The following NUP98 variants were observed in gnomAD, a reference collection of about 807,000 sequenced individuals.
NUP98 encodes the protein nuclear pore complex protein Nup98-Nup96.
A neutral mutation model predicts 191.9 loss-of-function variants in NUP98; 26 were observed. The ratio of observed to expected loss-of-function variants is 0.14; its 90% CI spans 0.10 to 0.19. The LOEUF (loss-of-function observed/expected upper bound fraction) is 0.19. Among genes scored for constraint, NUP98 ranks in the 10% least tolerant of loss-of-function variants. The pLI is 1.00. For synonymous variants in NUP98, 808 were observed against 778.4 expected (o/e 1.04, Z -0.63); for missense variants, 1,941 against 2,178.8 (o/e 0.89, Z 2.17).
intron 14 of NUP98, among the ~76,000 whole-genome samples, chr11:3,728,834 T>G (rs1448090686): frequency 6.6e-6 from 1 of 152,186 alleles, no homozygotes; most frequent in Non-Finnish European, 1.5e-5. Context: ...ACTAGGGTAA[T>G]AGCAATGAAT....
intron 14 of NUP98, among the ~76,000 whole-genome samples, chr11:3,730,348 A>G (rs555216605): frequency 2.0e-5 from 3 of 152,186 alleles, no homozygotes; most frequent in African/African-American, 7.2e-5. Flanking sequence ...TCTTTGGTGA[A>G]GCAGTTACAT....
At position 3,717,425 on chromosome 11, in the gene NUP98, A is replaced by G. The variant is rs1416896803; in HGVS notation, c.2399+1987T>C. 1.3e-5 allele frequency among the ~76,000 whole-genome samples: 2 copies of G among 150,192 alleles called. 1 individual carries two copies. Among genetic ancestry groups the G allele is most frequent in the Non-Finnish European group, 2.9e-5 (2 of 67,996 alleles). ...GTCATTTACCTCCCTGGTTAAGTTT[A>G]TTTGTGTATATTTTATTCTTTTTGA... On this transcript the variant is annotated intron_variant, in intron 18 of 32. Coordinates refer to ENST00000324932, the MANE Select transcript of NUP98 (RefSeq NM_016320.5).
intron 21 of NUP98, 28 bp from the exon 22 acceptor site, chr11:3,705,384 T>C (rs761111232): frequency 1.9e-6 from 3 of 1,606,496 alleles, no homozygotes; most frequent in South Asian, 1.1e-5. Context: ...ATAGAATGAA[T>C]GTGCTTCCCA....
At chr11:3,786,894 A>G (rs1272582244) in intron 1 of NUP98, among the ~76,000 whole-genome samples, 1 of 152,254 alleles carries the variant, frequency 6.6e-6, no homozygotes, top group Non-Finnish European at 1.5e-5. Context: ...CTCCAGACGT[A>G]AATGGGAAGT....
chr11:3,728,960 G>A (rs1293798292), intron 14 of NUP98, among the ~76,000 whole-genome samples: 12 of 152,234 alleles, frequency 7.9e-5, no homozygotes, highest in South Asian at 6.2e-4. Flanking sequence ...ATTTCTGACC[G>A]GAGCAACTAG....
At position 3,797,516 on chromosome 11, in the gene NUP98, A is replaced by C. The variant is rs1206852222; in HGVS notation, c.-145T>G. The C allele has an allele frequency of 6.8e-6, 3 of 442,852 alleles. No individual in the cohort carries two copies. The highest frequency in any genetic ancestry group is 1.2e-5 in the Non-Finnish European group (3 of 252,230). The allele number at this position is 442,852 out of a possible 1,614,324, so 27.4% of individuals were successfully genotyped here. On this transcript the variant is annotated 5_prime_UTR_variant, in exon 1 of 33. Transcript: ENST00000324932. ...GCCGCCGCTACCACCCCTGCCACCG[A>C]CCGCCGCTTCGGGCGCAGCGCGCAG...
intron 30 of NUP98, among the ~76,000 whole-genome samples, chr11:3,682,219 G>C (rs990504549): frequency 6.6e-6 from 1 of 152,130 alleles, no homozygotes; most frequent in African/African-American, 2.4e-5. Flanking sequence ...AACTTTCTCC[G>C]CATCAGCCAG....
intron 1 of NUP98, among the ~76,000 whole-genome samples, chr11:3,795,096 G>A (rs1411663829): frequency 6.6e-6 from 1 of 152,100 alleles, no homozygotes; most frequent in Non-Finnish European, 1.5e-5. Flanking sequence ...CGTAAATTTA[G>A]TTCCTTAAAA....
At chr11:3,751,794 G>A (rs755504799) in intron 11 of NUP98, among the ~76,000 whole-genome samples, 3 of 152,100 alleles carry the variant, frequency 2.0e-5, no homozygotes, top group Non-Finnish European at 4.4e-5. Flanking sequence ...GGGAGGTAGA[G>A]GTTGCAGTGA....
chr11:3,754,541 G>C (rs147991548), intron 10 of NUP98, among the ~76,000 whole-genome samples: 2 of 152,240 alleles, frequency 1.3e-5, no homozygotes, highest in African/African-American at 2.4e-5. Flanking sequence ...CTTTTATTTT[G>C]AATAGATGAA....
At chr11:3,770,177 T>A (rs576854592) in intron 7 of NUP98, among the ~76,000 whole-genome samples, 1 of 151,570 alleles carries the variant, frequency 6.6e-6, no homozygotes, top group South Asian at 2.1e-4. Context: ...AAACCCCAAC[T>A]CTATTAAAAA....
At position 3,685,998 on chromosome 11, in the gene NUP98, C is replaced by T. The variant is rs757651815; in HGVS notation, c.4651G>A (p.Val1551Ile). The T allele has an allele frequency of 4.6e-5, 75 of 1,613,942 alleles. No homozygotes were observed. The highest frequency in any genetic ancestry group is 5.8e-5 in the Non-Finnish European group (69 of 1,180,048). Residue 1551 changes from valine (V) to isoleucine (I), a missense_variant, in exon 29 of 33, where the codon GTC (valine) becomes ATC (isoleucine). Transcript: ENST00000324932. Reference sequence around the variant, plus strand: ...CCTGAGTTGTCAATGTGCAGGAGGACAAAGATGGCCCACTCCCAGAGCCCC... The same window carrying T: ...CCTGAGTTGTCAATGTGCAGGAGGATAAAGATGGCCCACTCCCAGAGCCCC... ...SEGLWEWAIF[V>I]LLHIDNSGIR... is the part of the protein sequence containing the mutation.
chr11:3,691,048 TG>T (rs1163612620), intron 28 of NUP98, among the ~76,000 whole-genome samples: 1 of 152,208 alleles, frequency 6.6e-6, no homozygotes, highest in Non-Finnish European at 1.5e-5. Flanking sequence ...CATTTTTCAA[TG>T]GTAGTGGAAA....
chr11:3,702,908 A>G lies in NUP98; in HGVS notation c.3083-16T>C. The G allele has an allele frequency of 6.3e-7, 1 of 1,582,078 alleles. No homozygotes were observed. The highest frequency in any genetic ancestry group is 8.6e-7 in the Non-Finnish European group (1 of 1,160,566). On this transcript the variant is annotated splice_polypyrimidine_tract_variant and intron_variant, in intron 22 of 32. Coordinates refer to ENST00000324932, the MANE Select transcript of NUP98 (RefSeq NM_016320.5). ...AACCCACCAACTGAAATGAAGCGGG[A>G]ATGAAGGGGAGAAAGACTATTACAA... is the stretch of plus-strand genomic sequence containing the variant.
At chr11:3,742,900 ATTAAT>A (rs2080337187) in intron 12 of NUP98, among the ~76,000 whole-genome samples, 1 of 152,104 alleles carries the variant, frequency 6.6e-6, no homozygotes, top group African/African-American at 2.4e-5. Flanking sequence ...AGTATGGGAG[ATTAAT>A]TTAGTGGTAC....
intron 10 of NUP98, among the ~76,000 whole-genome samples, chr11:3,757,211 G>A (rs2080996650): frequency 6.6e-6 from 1 of 151,780 alleles, no homozygotes; most frequent in African/African-American, 2.4e-5. Flanking sequence ...ATAACGGGCT[G>A]GGCGCAGTGG....
At chr11:3,748,986 T>TA (rs1467409730) in intron 11 of NUP98, among the ~76,000 whole-genome samples, 1 of 151,456 alleles carries the variant, frequency 6.6e-6, no homozygotes, top group Non-Finnish European at 1.5e-5. Flanking sequence ...AAAGAGTTAA[T>TA]ATCCACAATA....
intron 25 of NUP98, chr11:3,697,303 G>A (rs1564815846): frequency 6.6e-6 from 1 of 152,180 alleles, no homozygotes; most frequent in Non-Finnish European, 1.5e-5. Context: ...TGTAGTGACA[G>A]TGGAATGCAA....
intron 14 of NUP98, among the ~76,000 whole-genome samples, chr11:3,726,855 G>A (rs966701983): frequency 6.0e-5 from 9 of 150,754 alleles, no homozygotes; most frequent in African/African-American, 1.7e-4. Context: ...TTGAATTCCT[G>A]GGCTCCTGTG....
Sources: gnomAD v4.1 joint callset for allele counts (sites outside exome capture counted in the v4.1 genomes callset) on GRCh38, gnomAD v4.1.1 for gene constraint, MANE v1.5 for transcripts, NCBI Gene and HGNC (gene_info 2026-07-23, HGNC 2026-07-21) for gene names.